ZNF469: variants seen among roughly 807,000 people sequenced by gnomAD.
The protein encoded by ZNF469 is zinc finger protein 469.
In ZNF469, 1 loss-of-function variant was observed where a neutral mutation model predicts 1.0. The ratio of observed to expected loss-of-function variants is 1.00; its 90% CI spans 0.35 to 4.73. The LOEUF is 4.73. ZNF469 is among the 30% of genes most tolerant of loss of function. ZNF469 has a pLI of 0.16. For synonymous variants in ZNF469, 2,703 were observed against 2,363.4 expected, an observed-to-expected ratio of 1.14 and a Z score of -4.17; for missense variants, 6,100 against 5,356.3, an observed-to-expected ratio of 1.14 and a Z score of -4.33.
At chr16:88,399,141 C>G (rs1223547314) in intron 1 of ZNF469, among the ~76,000 whole-genome samples, 2 of 152,330 alleles carry the variant, frequency 1.3e-5, no homozygotes, top group East Asian at 3.9e-4. Flanking sequence ...CTGCATGTGG[C>G]TGGCAGTTTG....
At chr16:88,257,603 A>T in the ZNF469 span, among the ~76,000 whole-genome samples, 1 of 152,006 alleles carries the variant, frequency 6.6e-6, no homozygotes, top group Non-Finnish European at 1.5e-5. Context: ...GGTCATCTAG[A>T]TCTTCTTTTA....
Position 88,436,870 on chromosome 16 carries a change from A to G in ZNF469, c.9400A>G (p.Lys3134Glu). 1 of 1,518,474 alleles carries G rather than the reference A, an allele frequency of 6.6e-7. No individual in the cohort carries two copies. Among genetic ancestry groups the G allele is most frequent in the South Asian group, 1.2e-5 (1 of 82,294 alleles). The allele number at this position is 1,518,474 out of a possible 1,614,324, so 94.1% of individuals were successfully genotyped here. A position where few individuals can be genotyped will look rare whatever the true frequency, so the allele number is the denominator to read the frequency against. Residue 3134 changes from lysine to glutamate, a missense_variant, in exon 3 of 3, where the codon AAG becomes GAG. Transcript: ENST00000565624. ...FRSLGELDLHKLAHTPAPPPT... is the reference protein window; with the variant it reads ...FRSLGELDLHELAHTPAPPPT... ...CAGCCTGGGCGAGCTGGACCTGCACAAGCTGGCCCACACGCCCGCGCCGCC... is the reference window on the plus strand; with the variant it reads ...CAGCCTGGGCGAGCTGGACCTGCACGAGCTGGCCCACACGCCCGCGCCGCC...
chr16:88,432,257 G>A lies in ZNF469; in HGVS notation c.4787G>A (p.Arg1596Lys), dbSNP rs1299321142. 6.5e-7 allele frequency: 1 copy of A among 1,548,240 alleles called. No individual in the cohort carries two copies. The highest frequency in any genetic ancestry group is 2.4e-5 in the East Asian group (1 of 40,920). The part of the protein sequence containing the change: ...RELAEAESVG[R>K]VELGTGTEPP... ...CTTGCAGAAGCTGAGTCGGTGGGCA[G>A]GGTGGAGCTCGGCACAGGCACAGAG... The change falls in exon 3 of 3, where the codon AGG (arginine) becomes AAG (lysine). Residue 1596 changes from arginine to lysine, a missense_variant. By Grantham distance (26) the Arg-to-Lys change is conservative. Transcript: ENST00000565624.
intron 1 of ZNF469, among the ~76,000 whole-genome samples, chr16:88,416,851 G>A (rs954251565): frequency 6.6e-6 from 1 of 152,174 alleles, no homozygotes; most frequent in Non-Finnish European, 1.5e-5. Flanking sequence ...TCCCCGGGAG[G>A]GGTACCCAGG....
At position 88,428,465 on chromosome 16, in the gene ZNF469, C is replaced by T; in HGVS notation, c.995C>T (p.Pro332Leu). The change falls in exon 3 of 3, where the codon CCC becomes CTC. Residue 332 changes from proline (P) to leucine (L), a missense_variant. By Grantham distance (98) the Pro-to-Leu change is moderately conservative (BLOSUM62 -3). Transcript: ENST00000565624. Reference sequence around the variant, plus strand: ...TACCCGCTGCCCACCCAGCCTGCGCCCTCACCCCTGCCCTGCTACCAGGGC... The same window carrying T: ...TACCCGCTGCCCACCCAGCCTGCGCTCTCACCCCTGCCCTGCTACCAGGGC... ...PAYPLPTQPA[P>L]SPLPCYQGQP... 6.5e-7 allele frequency: 1 copy of T among 1,549,024 alleles called. No individual in the cohort carries two copies. Among genetic ancestry groups the T allele is most frequent in the Non-Finnish European group, 8.7e-7 (1 of 1,146,782 alleles).
the ZNF469 span, among the ~76,000 whole-genome samples, chr16:88,253,933 A>G: frequency 6.7e-6 from 1 of 150,200 alleles, no homozygotes; most frequent in African/African-American, 2.4e-5. Context: ...CCAAATCTAC[A>G]TTGTGAATAT....
rs1370828397 is a variant in ZNF469, at chr16:88,435,985, C to G, written c.8515C>G (p.Pro2839Ala). 12 of 1,549,994 alleles carry G rather than the reference C, an allele frequency of 7.7e-6. No individual in the cohort carries two copies. Among genetic ancestry groups the G allele is most frequent in the Non-Finnish European group, 1.0e-5 (12 of 1,146,994 alleles). The change falls in exon 3 of 3, where the codon CCT (proline) becomes GCT (alanine). Residue 2839 changes from proline (P) to alanine (A), a missense_variant. Physicochemically the swap from Pro to Ala is conservative, Grantham distance 27. Coordinates refer to ENST00000565624, the MANE Select transcript of ZNF469 (RefSeq NM_001367624.2). ...GGVQGPEGPT[P>A]DASGSSAKDP... Reference sequence around the variant, plus strand: ...AGTCCAGGGGCCTGAAGGCCCCACTCCTGATGCCTCTGGCTCCAGTGCCAA... The same window carrying G: ...AGTCCAGGGGCCTGAAGGCCCCACTGCTGATGCCTCTGGCTCCAGTGCCAA...
chr16:88,264,035 C>T, the ZNF469 span, among the ~76,000 whole-genome samples: 1 of 152,200 alleles, frequency 6.6e-6, no homozygotes, highest in South Asian at 2.1e-4. Flanking sequence ...CCAGTGTCCA[C>T]ACCACGTGTA....
the ZNF469 span, among the ~76,000 whole-genome samples, chr16:88,118,673 A>AG: frequency 6.6e-6 from 1 of 152,208 alleles, no homozygotes; most frequent in Non-Finnish European, 1.5e-5. Context: ...CGGCTTCCTT[A>AG]GCAGAGGGGC....
the ZNF469 span, among the ~76,000 whole-genome samples, chr16:88,365,475 C>CAGG: frequency 6.6e-6 from 1 of 152,202 alleles, no homozygotes; most frequent in Non-Finnish European, 1.5e-5. Flanking sequence ...GCTGCTGGAC[C>CAGG]AGGAGGTGGC....
In ZNF469 at chr16:88,423,501, C is replaced by T. The variant is rs148293043; in HGVS notation, c.-191-1306C>T. Among the ~76,000 whole-genome samples the T allele has an allele frequency of 4.5e-3, 691 of 152,266 alleles. 3 individuals carry two copies. The highest frequency in any genetic ancestry group is 0.016 in the African/African-American group (664 of 41,536). Reference sequence around the variant, plus strand: ...ACATTGCTAGGAGGGGCATGAGTTACGGTTGTCTATTGCTGTATCATAAAG... The same window carrying T: ...ACATTGCTAGGAGGGGCATGAGTTATGGTTGTCTATTGCTGTATCATAAAG... On this transcript the variant is annotated intron_variant, in intron 1 of 2. Transcript: ENST00000565624.
At chr16:88,244,754 C>G in the ZNF469 span, among the ~76,000 whole-genome samples, 1 of 99,370 alleles carries the variant, frequency 1.0e-5, no homozygotes, top group Non-Finnish European at 1.8e-5. Context: ...GGTAGCTAAA[C>G]AGAGGTATGG....
upstream of ZNF469, among the ~76,000 whole-genome samples, chr16:88,381,103 C>T (rs538619398): frequency 2.7e-5 from 4 of 147,004 alleles, no homozygotes; most frequent in Admixed American, 6.7e-5. Context: ...CACACCCGGA[C>T]ATGCACTCGC....
the ZNF469 span, among the ~76,000 whole-genome samples, chr16:88,146,283 G>T: frequency 2.0e-5 from 3 of 152,180 alleles, no homozygotes; most frequent in South Asian, 4.1e-4. Flanking sequence ...AGGGACCCTC[G>T]CTGCGGGCCA....
At chr16:88,337,541 G>C in the ZNF469 span, among the ~76,000 whole-genome samples, 1 of 152,202 alleles carries the variant, frequency 6.6e-6, no homozygotes, top group African/African-American at 2.4e-5. Flanking sequence ...ATTCTGCTGA[G>C]TTTATACCTA....
At chr16:88,265,612 G>A in the ZNF469 span, among the ~76,000 whole-genome samples, 1 of 152,188 alleles carries the variant, frequency 6.6e-6, no homozygotes, top group Non-Finnish European at 1.5e-5. Context: ...CGTGTGGCTG[G>A]GGACCGCAAA....
chr16:88,106,499 T>C, the ZNF469 span, among the ~76,000 whole-genome samples: 2 of 152,252 alleles, frequency 1.3e-5, no homozygotes, highest in African/African-American at 2.4e-5. Context: ...GTTTTTTCAC[T>C]TTAAAAACCG....
At chr16:88,406,054 G>A (rs1197975761) in intron 1 of ZNF469, among the ~76,000 whole-genome samples, 2 of 152,208 alleles carry the variant, frequency 1.3e-5, no homozygotes, top group Non-Finnish European at 2.9e-5. Flanking sequence ...CGGGAGCCAG[G>A]GACAACTTTC....
At chr16:88,413,948 A>G (rs1905241419) in intron 1 of ZNF469, among the ~76,000 whole-genome samples, 1 of 152,186 alleles carries the variant, frequency 6.6e-6, no homozygotes, top group African/African-American at 2.4e-5. Context: ...CTGAGCCTCC[A>G]CCAAGAGGGG....
Sources: allele counts gnomAD v4.1 joint callset (sites outside exome capture counted in the v4.1 genomes callset), GRCh38; gene constraint gnomAD v4.1.1; transcripts MANE v1.5; gene names NCBI Gene and HGNC (gene_info 2026-07-23, HGNC 2026-07-21).